The following TAFA2 variants were observed in gnomAD, a reference collection of about 807,000 sequenced individuals.
TAFA2 encodes the protein chemokine-like protein TAFA-2.
In TAFA2, 7 loss-of-function variants were observed where a neutral mutation model predicts 18.8. That is an observed-to-expected ratio of 0.37 (90% CI 0.21 to 0.70). TAFA2 has a LOEUF of 0.70. Ranked by LOEUF, TAFA2 falls within the 30% of genes least tolerant of loss-of-function variation. The pLI, the probability that TAFA2 is intolerant of heterozygous loss-of-function variation, is 0.53. For missense variants in TAFA2, 122 were observed against 158.1 expected (o/e 0.77, Z 1.23); for synonymous variants, 60 against 54.2 (o/e 1.11, Z -0.47).
chr12:61,730,004 A>C (rs1870365033), intron 4 of TAFA2, among the ~76,000 whole-genome samples: 2 of 152,104 alleles, frequency 1.3e-5, no homozygotes, highest in Admixed American at 1.3e-4. Context: ...TTCTGGATCT[A>C]GCCATCCAGC....
chr12:62,181,197 T>C (rs1370972899), intron 1 of TAFA2, among the ~76,000 whole-genome samples: 4 of 150,896 alleles, frequency 2.7e-5, no homozygotes, highest in Non-Finnish European at 5.9e-5. Flanking sequence ...CACACACACA[T>C]AATTAGAAAT....
intron 2 of TAFA2, among the ~76,000 whole-genome samples, chr12:61,760,887 A>G (rs79469790): frequency 6.6e-6 from 1 of 151,514 alleles, no homozygotes; most frequent in Non-Finnish European, 1.5e-5. Flanking sequence ...AAAAAAAAAA[A>G]TTCTGAAATT....
At chr12:61,953,812 C>A (rs1043992502) in intron 1 of TAFA2, among the ~76,000 whole-genome samples, 5 of 152,116 alleles carry the variant, frequency 3.3e-5, no homozygotes, top group African/African-American at 9.7e-5. Flanking sequence ...GAGAACTGAG[C>A]AAAGTGTGAC....
intron 1 of TAFA2, among the ~76,000 whole-genome samples, chr12:61,914,133 C>T (rs149571057): frequency 1.2e-3 from 182 of 152,194 alleles, no homozygotes; most frequent in Non-Finnish European, 1.9e-3. Flanking sequence ...ATATTATCTC[C>T]CCACACTTGT....
rs2062632514 is a variant in TAFA2, at chr12:62,192,761, C to T, written c.-1504G>A. ...TCCCAACAGCCAGTTCTGTTAGCCC[C>T]AGCAACTGCCGTTGAGAGCAAACAA... is the stretch of plus-strand genomic sequence containing the variant. On this transcript the variant is annotated 5_prime_UTR_variant, in exon 1 of 5. Transcript: ENST00000416284. 1 of 152,208 alleles carries T rather than the reference C, an allele frequency of 6.6e-6. No homozygotes were observed. Among genetic ancestry groups the T allele is most frequent in the Non-Finnish European group, 1.5e-5 (1 of 68,058 alleles). The allele number at this position is 152,208 out of a possible 1,614,324, so 9.4% of individuals were successfully genotyped here.
chr12:62,254,487 T>C (rs1449291604), intron 1 of TAFA2, among the ~76,000 whole-genome samples: 3 of 152,178 alleles, frequency 2.0e-5, no homozygotes, highest in Admixed American at 1.3e-4. Context: ...AGGTATACTA[T>C]ACATCCAGCA....
At chr12:62,147,326 G>GTATATATATATATATA (rs1219861920) in intron 1 of TAFA2, among the ~76,000 whole-genome samples, 1 of 19,550 alleles carries the variant, frequency 5.1e-5, no homozygotes, top group African/African-American at 1.2e-4. Flanking sequence ...GTGTATGTAT[G>GTATATATATATATATA]TATATATATA....
intron 2 of TAFA2, among the ~76,000 whole-genome samples, chr12:61,866,560 T>C (rs181300193): frequency 3.7e-4 from 57 of 152,246 alleles, no homozygotes; most frequent in African/African-American, 1.3e-3. Context: ...AATAGCCCCA[T>C]GGAAAAAGTA....
intron 1 of TAFA2, among the ~76,000 whole-genome samples, chr12:62,109,663 G>A (rs773273789): frequency 2.3e-4 from 35 of 152,122 alleles, no homozygotes; most frequent in South Asian, 4.2e-4. Context: ...TTGAGCAATG[G>A]TTTGTAGTTC....
chr12:62,085,519 A>G (rs1294716321), intron 1 of TAFA2, among the ~76,000 whole-genome samples: 1 of 152,104 alleles, frequency 6.6e-6, no homozygotes, highest in Non-Finnish European at 1.5e-5. Flanking sequence ...CTGAGAAGTA[A>G]ACATGTATTT....
At chr12:62,046,960 TATGTC>T (rs1464716774) in intron 1 of TAFA2, among the ~76,000 whole-genome samples, 1 of 152,062 alleles carries the variant, frequency 6.6e-6, no homozygotes, top group Non-Finnish European at 1.5e-5. Context: ...TAGGTAAACT[TATGTC>T]ATGGGGGTTG....
intron 1 of TAFA2, among the ~76,000 whole-genome samples, chr12:62,061,607 A>G (rs911775246): frequency 6.6e-6 from 1 of 152,330 alleles, no homozygotes; most frequent in Admixed American, 6.5e-5. Context: ...AATATGCTAC[A>G]TTTTTAGTAT....
intron 4 of TAFA2, among the ~76,000 whole-genome samples, chr12:61,738,328 CAAA>C (rs1868343638): frequency 3.4e-5 from 5 of 147,452 alleles, no homozygotes; most frequent in African/African-American, 1.2e-4. Context: ...CACACACACA[CAAA>C]CCTAGCTCAT....
At chr12:61,967,127 C>T (rs1879094405) in intron 1 of TAFA2, among the ~76,000 whole-genome samples, 1 of 151,830 alleles carries the variant, frequency 6.6e-6, no homozygotes, top group African/African-American at 2.4e-5. Context: ...GTGGGTCAGG[C>T]TTCAGCGAAG....
intron 1 of TAFA2, chr12:62,140,194 T>C (rs368193844): frequency 6.6e-6 from 1 of 152,314 alleles, no homozygotes; most frequent in East Asian, 1.9e-4. Flanking sequence ...GATTAAATTT[T>C]TATCCCAGCT....
intron 2 of TAFA2, among the ~76,000 whole-genome samples, chr12:61,779,763 T>C (rs919274883): frequency 2.6e-5 from 4 of 151,810 alleles, no homozygotes; most frequent in Admixed American, 2.6e-4. Flanking sequence ...GCTGCGATAG[T>C]ATATGCTGGG....
At chr12:61,769,467 G>C (rs117004220) in intron 2 of TAFA2, among the ~76,000 whole-genome samples, 4 of 151,942 alleles carry the variant, frequency 2.6e-5, no homozygotes, top group Non-Finnish European at 5.9e-5. Flanking sequence ...CTACAACAAA[G>C]GACACTCACA....
At chr12:61,979,747 AAGT>A (rs1879563924) in intron 1 of TAFA2, among the ~76,000 whole-genome samples, 1 of 152,122 alleles carries the variant, frequency 6.6e-6, no homozygotes, top group African/African-American at 2.4e-5. Flanking sequence ...TGCTGCCAAA[AAGT>A]AGAAGCACGG....
intron 1 of TAFA2, among the ~76,000 whole-genome samples, chr12:61,869,613 T>C (rs1169596368): frequency 6.6e-6 from 1 of 152,166 alleles, no homozygotes; most frequent in Non-Finnish European, 1.5e-5. Context: ...TTAGAAACAT[T>C]TTCCAAGAAC....
Sources: allele counts gnomAD v4.1 joint callset (sites outside exome capture counted in the v4.1 genomes callset), GRCh38; gene constraint gnomAD v4.1.1; transcripts MANE v1.5; gene names NCBI Gene and HGNC (gene_info 2026-07-23, HGNC 2026-07-21).